MEF2C: variants seen among roughly 807,000 people sequenced by gnomAD.
MEF2C encodes myocyte-specific enhancer factor 2C.
MEF2C carries 6 observed loss-of-function variants against 50.5 expected under a neutral mutation model. The observed-to-expected ratio is 0.12, with a 90% confidence interval of 0.07 to 0.23. MEF2C has a LOEUF of 0.23. MEF2C is among the 10% of genes least tolerant of loss of function. MEF2C has a pLI of 1.00. For synonymous variants in MEF2C, 183 were observed against 228.0 expected (o/e 0.80, Z 1.78); for missense variants, 276 against 605.0 (o/e 0.46, Z 5.70).
chr5:88,815,971 G>C (rs1805146491), intron 2 of MEF2C, among the ~76,000 whole-genome samples: 1 of 151,912 alleles, frequency 6.6e-6, no homozygotes, highest in Non-Finnish European at 1.5e-5. Flanking sequence ...TCCCAGAGGT[G>C]AAAGGGGCCA....
At chr5:88,878,576 G>A (rs1295017125) in intron 1 of MEF2C, among the ~76,000 whole-genome samples, 1 of 151,860 alleles carries the variant, frequency 6.6e-6, no homozygotes, top group Non-Finnish European at 1.5e-5. Flanking sequence ...TTCCCTTTAT[G>A]TAGAATAATA....
intron 3 of MEF2C, among the ~76,000 whole-genome samples, chr5:88,795,344 T>C (rs866837405): frequency 7.2e-5 from 11 of 152,310 alleles, no homozygotes; most frequent in Middle Eastern, 3.4e-3. Flanking sequence ...CAGTTCTCCT[T>C]GAAGAGGTCC....
At chr5:88,828,394 A>T (rs1350093244) in intron 1 of MEF2C, among the ~76,000 whole-genome samples, 1 of 152,048 alleles carries the variant, frequency 6.6e-6, no homozygotes, top group Non-Finnish European at 1.5e-5. Flanking sequence ...ATTTTCAAAA[A>T]AAAATTCCGG....
intron 3 of MEF2C, chr5:88,780,669 T>C: frequency 1.3e-6 from 1 of 763,580 alleles, no homozygotes; most frequent in South Asian, 5.9e-5. Context: ...ATGCACAACA[T>C]ATATATTTCA....
chr5:88,775,703 C>G (rs1177075540), intron 3 of MEF2C: 16 of 591,844 alleles, frequency 2.7e-5, no homozygotes, highest in African/African-American at 4.0e-5. Context: ...TTCACAAAAT[C>G]TCATTTCCCA....
At chr5:88,823,646 A>ACAGATT in intron 2 of MEF2C, 89 bp downstream of exon 2, 1 of 1,235,176 alleles carries the variant, frequency 8.1e-7, no homozygotes. Context: ...ATAGATATTT[A>ACAGATT]CAGATTCAAG....
chr5:88,770,791 T>C (rs1329554242), intron 3 of MEF2C, among the ~76,000 whole-genome samples: 1 of 152,244 alleles, frequency 6.6e-6, no homozygotes, highest in Non-Finnish European at 1.5e-5. Flanking sequence ...TGGCAGGGTC[T>C]AATTAAAATG....
At chr5:88,874,262 T>C (rs562104930) in intron 1 of MEF2C, among the ~76,000 whole-genome samples, 6 of 152,076 alleles carry the variant, frequency 3.9e-5, no homozygotes, top group South Asian at 2.1e-4. Context: ...TCCATACATA[T>C]GTTCAATAGT....
chr5:88,885,180 G>A (rs1422183216), upstream of MEF2C, among the ~76,000 whole-genome samples: 2 of 152,130 alleles, frequency 1.3e-5, no homozygotes, highest in Non-Finnish European at 1.5e-5. Context: ...GCCTCCAGAT[G>A]ACTATTTTAA....
In MEF2C at chr5:88,719,084, A is replaced by G. The variant is rs1755429027; in HGVS notation, c.*3520T>C. The G allele has an allele frequency of 6.6e-6, 1 of 152,346 alleles. No individual in the cohort carries two copies. The highest frequency in any genetic ancestry group is 2.4e-5 in the African/African-American group (1 of 41,586). 9.4% of individuals were successfully genotyped at this position (152,346 alleles called of 1,614,324 possible). A position where few individuals can be genotyped will look rare whatever the true frequency, so the allele number is the denominator to read the frequency against. On this transcript the variant is annotated 3_prime_UTR_variant, in exon 11 of 11. Coordinates refer to ENST00000504921, the MANE Select transcript of MEF2C (RefSeq NM_002397.5). ...TACAAAGCGTTTACTCTCTGGAGAA[A>G]CAAACAACAAAATAAAGAGGGCAAA...
chr5:88,882,137 T>C (rs1228878832), intron 1 of MEF2C, among the ~76,000 whole-genome samples: 1 of 152,230 alleles, frequency 6.6e-6, no homozygotes, highest in Non-Finnish European at 1.5e-5. Context: ...ACTTCCACAA[T>C]ATTTAATAAT....
chr5:88,743,038 A>C (rs1446001481), intron 6 of MEF2C: 1 of 970,462 alleles, frequency 1.0e-6, no homozygotes, highest in African/African-American at 1.8e-5. Context: ...CAATGAATTC[A>C]GAATTTTTAA....
At chr5:88,869,318 C>CGT in intron 1 of MEF2C, among the ~76,000 whole-genome samples, 1 of 80,874 alleles carries the variant, frequency 1.2e-5, no homozygotes, top group African/African-American at 4.7e-5. Context: ...TATATATACA[C>CGT]ATATAGCTTC....
chr5:88,886,213 A>G (rs1316197590), upstream of MEF2C, among the ~76,000 whole-genome samples: 3 of 152,254 alleles, frequency 2.0e-5, no homozygotes, highest in Non-Finnish European at 4.4e-5. Context: ...TATACATTAG[A>G]AAATCACCTG....
chr5:88,827,380 C>A (rs753919760), intron 1 of MEF2C, among the ~76,000 whole-genome samples: 1 of 151,822 alleles, frequency 6.6e-6, no homozygotes, highest in Non-Finnish European at 1.5e-5. Context: ...CAACCACGAA[C>A]AATAAAAGGT....
At chr5:88,782,048 G>C (rs1788359777) in intron 3 of MEF2C, 1 of 727,584 alleles carries the variant, frequency 1.4e-6, no homozygotes, top group Admixed American at 6.3e-5. Context: ...AGTTTGAGAA[G>C]AGCCCAGGCA....
At chr5:88,778,001 T>A (rs777438883) in intron 3 of MEF2C, among the ~76,000 whole-genome samples, 1 of 144,566 alleles carries the variant, frequency 6.9e-6, no homozygotes, top group Non-Finnish European at 1.5e-5. Context: ...GCCTCCCAGG[T>A]TCACGCCATT....
At chr5:88,838,133 C>A (rs1815907732) in intron 1 of MEF2C, among the ~76,000 whole-genome samples, 2 of 152,144 alleles carry the variant, frequency 1.3e-5, no homozygotes, top group South Asian at 4.1e-4. Flanking sequence ...CTTCTCTATG[C>A]TGCTAAGTAA....
At chr5:88,774,392 G>C (rs1055660937) in intron 3 of MEF2C, among the ~76,000 whole-genome samples, 1 of 148,344 alleles carries the variant, frequency 6.7e-6, no homozygotes, top group African/African-American at 2.5e-5. Context: ...GGGCGATCTC[G>C]GCTCACTGCA....
Sources: allele counts gnomAD v4.1 joint callset (sites outside exome capture counted in the v4.1 genomes callset), GRCh38; gene constraint gnomAD v4.1.1; transcripts MANE v1.5; gene names NCBI Gene and HGNC (gene_info 2026-07-23, HGNC 2026-07-21).